Variants in KPNA4 observed in about 807,000 individuals in gnomAD.
KPNA4 encodes the protein karyopherin subunit alpha 4.
Under a neutral mutation model 71.3 loss-of-function variants are expected in KPNA4, and 13 were observed. The ratio of observed to expected loss-of-function variants is 0.18; its 90% CI spans 0.12 to 0.29. KPNA4 has a LOEUF of 0.29. KPNA4 is among the 10% of genes least tolerant of loss of function. The pLI is 1.00. For missense variants in KPNA4, 334 were observed against 603.2 expected (o/e 0.55, Z 4.67); for synonymous variants, 189 against 195.2 (o/e 0.97, Z 0.26).
chr3:160,541,971 C>T lies in KPNA4; in HGVS notation c.70-5131G>A, dbSNP rs567097644. On this transcript the variant is annotated intron_variant, in intron 1 of 16. Coordinates refer to ENST00000334256, the MANE Select transcript of KPNA4 (RefSeq NM_002268.5). ...ACACGTATTAATAACATGCACACAA[C>T]GCACTCTGACAGTAAAGAGGGTAAT... Among the ~76,000 whole-genome samples, 23 of 152,260 alleles carry T rather than the reference C, an allele frequency of 1.5e-4. No homozygotes were observed. In the South Asian group the frequency reaches 3.5e-3, roughly 23 times the overall value.
At chr3:160,519,756 C>T (rs1467619758) in intron 11 of KPNA4, among the ~76,000 whole-genome samples, 1 of 143,148 alleles carries the variant, frequency 7.0e-6, no homozygotes, top group Non-Finnish European at 1.5e-5. Flanking sequence ...GATTGTGCCA[C>T]TGCAGTCCGC....
chr3:160,536,627 T>A (rs1332064059), intron 2 of KPNA4, among the ~76,000 whole-genome samples, 169 bp downstream of exon 2: 1 of 152,138 alleles, frequency 6.6e-6, no homozygotes, highest in African/African-American at 2.4e-5. Context: ...AGAAAAATGC[T>A]TAGCAGTTGA....
At chr3:160,510,239 A>C (rs1394460382) in intron 13 of KPNA4, among the ~76,000 whole-genome samples, 1 of 152,188 alleles carries the variant, frequency 6.6e-6, no homozygotes, top group East Asian at 1.9e-4. Context: ...TTTTACACAC[A>C]AAAATGATAC....
At chr3:160,534,098 A>G (rs1721631842) in intron 5 of KPNA4, among the ~76,000 whole-genome samples, 1 of 152,220 alleles carries the variant, frequency 6.6e-6, no homozygotes, top group Non-Finnish European at 1.5e-5. Flanking sequence ...TATCAGTTCT[A>G]AGTTATTTAA....
chr3:160,505,492 G>A (rs1175833789), intron 15 of KPNA4, among the ~76,000 whole-genome samples: 1 of 152,134 alleles, frequency 6.6e-6, no homozygotes, highest in Admixed American at 6.6e-5. Context: ...TACCTGTTAA[G>A]TTTACTGGAA....
chr3:160,559,847 G>A (rs1274596032), intron 1 of KPNA4, among the ~76,000 whole-genome samples: 2 of 152,052 alleles, frequency 1.3e-5, no homozygotes, highest in African/African-American at 4.8e-5. Flanking sequence ...CGAAAAAAAG[G>A]TTCAACATGG....
At position 160,565,462 on chromosome 3, in the gene KPNA4, C is replaced by G. The variant is rs868050280; in HGVS notation, c.-180G>C. ...CCTTCTCCTCTCCCCGCCCGCCCCC[C>G]CGCCCTAACCCCAGCGCGACTGCAG... On this transcript the variant is annotated 5_prime_UTR_variant, in exon 1 of 17. Coordinates refer to ENST00000334256, the MANE Select transcript of KPNA4 (RefSeq NM_002268.5). 1.4e-4 allele frequency: 82 copies of G among 580,656 alleles called. No homozygotes were observed. The highest frequency in any genetic ancestry group is 5.1e-5 in the Non-Finnish European group (17 of 331,404). The allele number at this position is 580,656 out of a possible 1,614,324, so 36.0% of individuals were successfully genotyped here. A position where few individuals can be genotyped will look rare whatever the true frequency, so the allele number is the denominator to read the frequency against.
chr3:160,498,603 A>G lies in KPNA4; in HGVS notation c.*3501T>C, dbSNP rs939418472. On this transcript the variant is annotated 3_prime_UTR_variant, in exon 17 of 17. Coordinates refer to ENST00000334256, the MANE Select transcript of KPNA4 (RefSeq NM_002268.5). ...AGGTGGCCTGATCTAATCAGGTGAG[A>G]CCTTTAAAAAAGCGCTTAAGGCCTT... 6 of 152,154 alleles carry G rather than the reference A, an allele frequency of 3.9e-5. No individual in the cohort carries two copies. The highest frequency in any genetic ancestry group is 8.8e-5 in the Non-Finnish European group (6 of 68,030). The allele number at this position is 152,154 out of a possible 1,614,324, so 9.4% of individuals were successfully genotyped here.
intron 12 of KPNA4, chr3:160,514,857 A>C (rs1721172792): frequency 2.3e-6 from 1 of 440,720 alleles, no homozygotes; most frequent in African/African-American, 2.0e-5. Context: ...GATAACTAAT[A>C]AGTTTTACTC....
chr3:160,535,779 T>C, intron 3 of KPNA4, 29 bp downstream of exon 3: 1 of 1,559,200 alleles, frequency 6.4e-7, no homozygotes, highest in Non-Finnish European at 8.6e-7. Context: ...TACTTTTAAG[T>C]TACCAGAATA....
At position 160,498,091 on chromosome 3, in the gene KPNA4, G is replaced by A. The variant is rs1720801791; in HGVS notation, c.*4013C>T. On this transcript the variant is annotated 3_prime_UTR_variant, in exon 17 of 17. Transcript: ENST00000334256. ...GGGAGTTGAGATGTGGGCTTTATTT[G>A]GCCCTTAGTAGCTGTGTGACCTTGG... The A allele has an allele frequency of 6.6e-6, 1 of 152,080 alleles. No homozygotes were observed. The highest frequency in any genetic ancestry group is 2.4e-5 in the African/African-American group (1 of 41,412). The allele number at this position is 152,080 out of a possible 1,614,324, so 9.4% of individuals were successfully genotyped here.
chr3:160,539,699 A>G (rs1040836120), intron 1 of KPNA4, among the ~76,000 whole-genome samples: 8 of 152,244 alleles, frequency 5.3e-5, no homozygotes, highest in African/African-American at 1.4e-4. Context: ...ACAGAAAACA[A>G]TATCTGTAGG....
intron 11 of KPNA4, among the ~76,000 whole-genome samples, chr3:160,520,816 G>A (rs772064552): frequency 3.9e-5 from 6 of 152,084 alleles, no homozygotes; most frequent in African/African-American, 9.7e-5. Flanking sequence ...TCTCTTATGC[G>A]ATTATTGTAC....
intron 12 of KPNA4, 89 bp from the exon 13 acceptor site, chr3:160,514,270 A>G: frequency 3.8e-6 from 3 of 792,682 alleles, no homozygotes; most frequent in Non-Finnish European, 5.8e-6. Flanking sequence ...CACTGTCCCA[A>G]TGATTTTACT....
At position 160,497,069 on chromosome 3, in the gene KPNA4, T is replaced by C. The variant is rs1720778670; in HGVS notation, c.*5035A>G. On this transcript the variant is annotated 3_prime_UTR_variant, in exon 17 of 17. Coordinates refer to ENST00000334256, the MANE Select transcript of KPNA4 (RefSeq NM_002268.5). ...CACTACAGTCCAAATTTGCTTCTGA[T>C]CACACTAGAATAGTTTTACCAATGT... is the stretch of plus-strand genomic sequence containing the variant. The C allele has an allele frequency of 6.6e-6, 1 of 152,374 alleles. No individual in the cohort carries two copies. The highest frequency in any genetic ancestry group is 1.5e-5 in the Non-Finnish European group (1 of 68,040). The allele number at this position is 152,374 out of a possible 1,614,324, so 9.4% of individuals were successfully genotyped here.
chr3:160,542,128 G>A (rs937389580), intron 1 of KPNA4, among the ~76,000 whole-genome samples: 5 of 152,256 alleles, frequency 3.3e-5, no homozygotes, highest in Admixed American at 3.3e-4. Context: ...GGAATCTGCT[G>A]AAGAATATCA....
At chr3:160,541,647 G>A (rs539705128) in intron 1 of KPNA4, among the ~76,000 whole-genome samples, 22 of 111,466 alleles carry the variant, frequency 2.0e-4, no homozygotes, top group East Asian at 4.6e-4. Flanking sequence ...AGTTATATAC[G>A]CGCACACACA....
At chr3:160,503,471 G>C (rs1720921421) in intron 16 of KPNA4, among the ~76,000 whole-genome samples, 1 of 151,978 alleles carries the variant, frequency 6.6e-6, no homozygotes, top group South Asian at 2.1e-4. Flanking sequence ...AAACTGTTCT[G>C]GTCCCATGCA....
chr3:160,530,710 A>ACAT (rs1721556894), intron 7 of KPNA4, 145 bp downstream of exon 7: 1 of 570,180 alleles, frequency 1.8e-6, no homozygotes, highest in African/African-American at 2.0e-5. Flanking sequence ...GATTAAAGTA[A>ACAT]CATACTTAAG....
Sources: allele counts gnomAD v4.1 joint callset (sites outside exome capture counted in the v4.1 genomes callset), GRCh38; gene constraint gnomAD v4.1.1; transcripts MANE v1.5; gene names NCBI Gene and HGNC (gene_info 2026-07-23, HGNC 2026-07-21).